LRRC4C: variants seen among roughly 807,000 people sequenced by gnomAD.
LRRC4C encodes the protein leucine rich repeat containing 4C.
A neutral mutation model predicts 33.6 loss-of-function variants in LRRC4C; 5 were observed. The ratio of observed to expected loss-of-function variants is 0.15; its 90% CI spans 0.08 to 0.31. The LOEUF is 0.31. LRRC4C is among the 10% of genes least tolerant of loss of function. The pLI is 1.00. For synonymous variants in LRRC4C, 329 were observed against 302.0 expected (o/e 1.09, Z -0.93); for missense variants, 560 against 796.7 (o/e 0.70, Z 3.58).
chr11:41,076,288 G>T (rs1293028183), intron 1 of LRRC4C, among the ~76,000 whole-genome samples: 1 of 152,098 alleles, frequency 6.6e-6, no homozygotes, highest in Non-Finnish European at 1.5e-5. Context: ...CCTTTTCATA[G>T]CAGTGTCCAC....
intron 2 of LRRC4C, among the ~76,000 whole-genome samples, chr11:40,804,012 T>A: frequency 6.6e-6 from 1 of 152,260 alleles, no homozygotes; most frequent in East Asian, 1.9e-4. Context: ...TTGGTCTTAT[T>A]CATTCTTACT....
chr11:40,145,003 A>G (rs1188570586), intron 5 of LRRC4C, among the ~76,000 whole-genome samples: 1 of 151,942 alleles, frequency 6.6e-6, no homozygotes, highest in Non-Finnish European at 1.5e-5. Flanking sequence ...TAGTTTTCCA[A>G]CTCGTACTTG....
At chr11:41,428,019 G>A (rs542350875) in intron 1 of LRRC4C, among the ~76,000 whole-genome samples, 24 of 151,574 alleles carry the variant, frequency 1.6e-4, no homozygotes, top group African/African-American at 3.9e-4. Context: ...ATCTCCCTTC[G>A]CTGACTCTCT....
At chr11:40,444,293 G>A (rs1951526332) in intron 3 of LRRC4C, among the ~76,000 whole-genome samples, 1 of 148,426 alleles carries the variant, frequency 6.7e-6, no homozygotes, top group African/African-American at 2.5e-5. Flanking sequence ...TACCAGAGCT[G>A]TTTCTTCTAA....
chr11:40,380,581 A>G (rs1039431301), intron 3 of LRRC4C, among the ~76,000 whole-genome samples: 40 of 152,338 alleles, frequency 2.6e-4, no homozygotes, highest in African/African-American at 9.1e-4. Context: ...CTTATGTATA[A>G]CTGAGATAAT....
intron 1 of LRRC4C, among the ~76,000 whole-genome samples, chr11:41,056,597 CA>C (rs1858636276): frequency 6.6e-6 from 1 of 152,036 alleles, no homozygotes; most frequent in African/African-American, 2.4e-5. Context: ...TAAAAGTGGG[CA>C]AAGACATGAA....
intron 1 of LRRC4C, among the ~76,000 whole-genome samples, chr11:41,308,019 G>A (rs957880747): frequency 2.0e-4 from 30 of 152,188 alleles, no homozygotes; most frequent in African/African-American, 7.2e-4. Flanking sequence ...TAGGTGACCA[G>A]CATGAGGGTA....
At chr11:40,929,777 G>C (rs990882746) in intron 2 of LRRC4C, among the ~76,000 whole-genome samples, 1 of 152,058 alleles carries the variant, frequency 6.6e-6, no homozygotes, top group Non-Finnish European at 1.5e-5. Flanking sequence ...GTAATTCAGT[G>C]TCCAAAGTAA....
rs569869503 is a variant in LRRC4C at position 40,386,424 on chromosome 11, T to G, written c.-269-66703A>C. 1.1e-4 allele frequency among the ~76,000 whole-genome samples: 17 copies of G among 152,284 alleles called. 1 individual carries two copies. In the South Asian group the frequency reaches 3.5e-3, roughly 32 times the overall value. ...TAGATAATCTTCCCTGAATCTGCTC[T>G]TTTTCTGTAATGAGGAGATGAGAAT... On this transcript the variant is annotated intron_variant, in intron 3 of 6. Transcript: ENST00000528697.
At chr11:40,492,931 T>C (rs1223873018) in intron 3 of LRRC4C, among the ~76,000 whole-genome samples, 1 of 152,128 alleles carries the variant, frequency 6.6e-6, no homozygotes, top group Non-Finnish European at 1.5e-5. Context: ...TAGAATTTTA[T>C]ACTATCACCT....
chr11:41,234,814 A>C (rs1006771559), intron 1 of LRRC4C, among the ~76,000 whole-genome samples: 1 of 152,048 alleles, frequency 6.6e-6, no homozygotes. Flanking sequence ...CTGAGAAGAG[A>C]GTAGTTTGTC....
rs551724996 is a variant in LRRC4C at position 41,361,127 on chromosome 11, A to G, written c.-496+98304T>C. Among the ~76,000 whole-genome samples, 4 of 152,324 alleles carry G rather than the reference A, an allele frequency of 2.6e-5. No homozygotes were observed. In the South Asian group the frequency reaches 8.3e-4, roughly 32 times the overall value. ...AAACAGGAAGACAGCATTGTCAGTT[A>G]TCACATACACCAGGCATGAGTGGAT... On this transcript the variant is annotated intron_variant, in intron 1 of 6. Coordinates refer to ENST00000528697, the MANE Select transcript of LRRC4C (RefSeq NM_001258419.2).
intron 3 of LRRC4C, among the ~76,000 whole-genome samples, chr11:40,601,169 A>C (rs1472535010): frequency 6.6e-6 from 1 of 152,164 alleles, no homozygotes; most frequent in East Asian, 1.9e-4. Flanking sequence ...GCTTCTCACC[A>C]AGTATCATTA....
chr11:40,425,872 T>G (rs1052545659), intron 3 of LRRC4C, among the ~76,000 whole-genome samples: 1 of 152,190 alleles, frequency 6.6e-6, no homozygotes, highest in African/African-American at 2.4e-5. Flanking sequence ...CTCATTTAAA[T>G]GGTAGGAAAT....
chr11:41,138,332 C>G (rs1193442667), intron 1 of LRRC4C, among the ~76,000 whole-genome samples: 3 of 152,256 alleles, frequency 2.0e-5, no homozygotes, highest in South Asian at 2.1e-4. Context: ...CTGGAAAAAA[C>G]AAGATTGGTG....
chr11:40,154,956 T>TAA (rs1232455602), intron 5 of LRRC4C, among the ~76,000 whole-genome samples: 1 of 152,014 alleles, frequency 6.6e-6, no homozygotes, highest in Non-Finnish European at 1.5e-5. Context: ...TGATAGGCCA[T>TAA]AAAATGAGCC....
At chr11:41,162,506 A>G (rs1944517143) in intron 1 of LRRC4C, among the ~76,000 whole-genome samples, 1 of 152,122 alleles carries the variant, frequency 6.6e-6, no homozygotes, top group Non-Finnish European at 1.5e-5. Context: ...CATAGGGTGT[A>G]TTTACACAAA....
At chr11:40,133,709 G>A (rs765049615) in intron 6 of LRRC4C, among the ~76,000 whole-genome samples, 4 of 152,154 alleles carry the variant, frequency 2.6e-5, no homozygotes, top group South Asian at 2.1e-4. Context: ...GTATGATTGC[G>A]TAGATCCTTG....
intron 5 of LRRC4C, among the ~76,000 whole-genome samples, chr11:40,217,874 A>C (rs1161485342): frequency 2.6e-5 from 4 of 152,188 alleles, no homozygotes; most frequent in Non-Finnish European, 5.9e-5. Flanking sequence ...AAATTATTGA[A>C]GTTTAATTGA....
Sources: allele counts gnomAD v4.1 joint callset (sites outside exome capture counted in the v4.1 genomes callset), GRCh38; gene constraint gnomAD v4.1.1; transcripts MANE v1.5; gene names NCBI Gene and HGNC (gene_info 2026-07-23, HGNC 2026-07-21).